The following PLD5 variants were observed in gnomAD, a reference collection of about 807,000 sequenced individuals.
The protein encoded by PLD5 is phospholipase D family member 5.
A neutral mutation model predicts 61.1 loss-of-function variants in PLD5; 36 were observed. The observed-to-expected ratio is 0.59, with a 90% CI of 0.45 to 0.78. The LOEUF (loss-of-function observed/expected upper bound fraction) is 0.78. PLD5 is among the 30% of genes least tolerant of loss of function. The probability of loss-of-function intolerance (pLI) is 0.00; values close to 1 mark genes in which losing one functional copy is unlikely to be tolerated. For missense variants in PLD5, 515 were observed against 644.4 expected, an observed-to-expected ratio of 0.80 and a Z score of 2.17; for synonymous variants, 243 against 242.8, an observed-to-expected ratio of 1.00 and a Z score of -0.01.
chr1:242,391,184 G>A (rs1662909021), intron 1 of PLD5, among the ~76,000 whole-genome samples: 1 of 152,136 alleles, frequency 6.6e-6, no homozygotes, highest in Non-Finnish European at 1.5e-5. Context: ...GAGAGAGCGA[G>A]ACTCCGTCTC....
At chr1:242,434,585 T>C (rs1665893196) in intron 1 of PLD5, among the ~76,000 whole-genome samples, 1 of 152,160 alleles carries the variant, frequency 6.6e-6, no homozygotes, top group Admixed American at 6.5e-5. Flanking sequence ...TTATCTATGG[T>C]CTATTGAGAC....
rs781018144 is a variant in PLD5 at position 242,510,583 on chromosome 1, C to T, written c.189+13505G>A. Among the ~76,000 whole-genome samples, 17 of 152,298 alleles carry T rather than the reference C, an allele frequency of 1.1e-4. No homozygotes were observed. In the South Asian group the frequency reaches 1.2e-3, roughly 11 times the overall value. On this transcript the variant is annotated intron_variant, in intron 1 of 9. Coordinates refer to ENST00000536534, the MANE Select transcript of PLD5 (RefSeq NM_001372062.1). ...CAAATGGGCCCGGTGCGGTGGCTCA[C>T]GCCTGTAATCCCAGCACTTTGGGAG...
At chr1:242,114,882 G>C (rs1236539045) in intron 6 of PLD5, among the ~76,000 whole-genome samples, 1 of 151,348 alleles carries the variant, frequency 6.6e-6, no homozygotes, top group Non-Finnish European at 1.5e-5. Flanking sequence ...AATAATAATA[G>C]AAATAAAGTG....
Position 242,348,124 on chromosome 1 carries a change from T to G in PLD5, c.308A>C (p.Asn103Thr). 1 of 1,612,574 alleles carries G rather than the reference T, an allele frequency of 6.2e-7. No homozygotes were observed. The highest frequency in any genetic ancestry group is 8.5e-7 in the Non-Finnish European group (1 of 1,179,486). Residue 103 changes from asparagine (N) to threonine (T), a missense_variant, in exon 2 of 10, where the codon AAT (asparagine) becomes ACT (threonine). Physicochemically the swap from Asn to Thr is moderately conservative, Grantham distance 65. Coordinates refer to ENST00000536534, the MANE Select transcript of PLD5 (RefSeq NM_001372062.1). ...GEDEDGLSEKNCQNKCRIALV... is the reference protein window; with the variant it reads ...GEDEDGLSEKTCQNKCRIALV... ...CTCTTACCGACATTTATTTTGGCAA[T>G]TTTTTTCTGAGAGTCCATCCTCATC...
intron 5 of PLD5, among the ~76,000 whole-genome samples, chr1:242,182,791 C>G (rs905264815): frequency 2.0e-5 from 3 of 152,080 alleles, no homozygotes; most frequent in African/African-American, 7.2e-5. Context: ...TGCAGTGAGG[C>G]AAGATCGCGC....
intron 3 of PLD5, among the ~76,000 whole-genome samples, chr1:242,285,771 G>A (rs1196071147): frequency 6.6e-6 from 1 of 151,816 alleles, no homozygotes; most frequent in Non-Finnish European, 1.5e-5. Flanking sequence ...AGTAACTATA[G>A]AAGTAAACTA....
chr1:242,191,653 T>C lies in PLD5; in HGVS notation c.735+28335A>G, dbSNP rs147506578. 2.3e-3 allele frequency among the ~76,000 whole-genome samples: 345 copies of C among 151,476 alleles called. 1 individual carries two copies. Among genetic ancestry groups the C allele is most frequent in the African/African-American group, 8.0e-3 (329 of 41,276 alleles). ...GCAGAAAAAGGAACAAACCCAGATATGAGTAGAAGGAAAAGAAGTGAGAAA... is the reference window on the plus strand; with the variant it reads ...GCAGAAAAAGGAACAAACCCAGATACGAGTAGAAGGAAAAGAAGTGAGAAA... On this transcript the variant is annotated intron_variant, in intron 5 of 9. Transcript: ENST00000536534.
At chr1:242,424,434 T>C (rs1374511576) in intron 1 of PLD5, among the ~76,000 whole-genome samples, 1 of 152,146 alleles carries the variant, frequency 6.6e-6, no homozygotes, top group African/African-American at 2.4e-5. Flanking sequence ...AATTTCAAAA[T>C]ACGCCCAGAT....
chr1:242,433,326 C>A (rs370460529), intron 1 of PLD5, among the ~76,000 whole-genome samples: 3 of 152,196 alleles, frequency 2.0e-5, no homozygotes, highest in Non-Finnish European at 2.9e-5. Flanking sequence ...CTCTGTCTCA[C>A]CCTTGAAAGA....
intron 1 of PLD5, among the ~76,000 whole-genome samples, chr1:242,398,154 G>C (rs1663710836): frequency 1.3e-5 from 2 of 152,314 alleles, no homozygotes; most frequent in East Asian, 3.9e-4. Context: ...AGGTCAGAAA[G>C]ATCAGCTGAG....
chr1:242,175,767 C>G (rs570019665), intron 5 of PLD5, among the ~76,000 whole-genome samples: 1 of 152,280 alleles, frequency 6.6e-6, no homozygotes, highest in East Asian at 1.9e-4. Context: ...GATACAAAAT[C>G]AATGTGCAAA....
intron 1 of PLD5, among the ~76,000 whole-genome samples, chr1:242,474,257 G>C (rs920360205): frequency 1.3e-5 from 2 of 152,018 alleles, no homozygotes; most frequent in African/African-American, 4.8e-5. Flanking sequence ...CCATCCTACC[G>C]GGATTCCCAC....
chr1:242,199,400 G>T (rs147212178), intron 5 of PLD5, among the ~76,000 whole-genome samples: 10 of 151,626 alleles, frequency 6.6e-5, no homozygotes, highest in African/African-American at 2.2e-4. Context: ...GATTACAGGC[G>T]CCCGCCACCA....
chr1:242,212,678 C>T (rs1669907285), intron 5 of PLD5, among the ~76,000 whole-genome samples: 1 of 152,254 alleles, frequency 6.6e-6, no homozygotes. Context: ...TAAGCAGGTG[C>T]AAAGTGGCTG....
intron 4 of PLD5, among the ~76,000 whole-genome samples, chr1:242,245,897 T>A (rs1419756115): frequency 6.6e-6 from 1 of 152,154 alleles, no homozygotes; most frequent in Non-Finnish European, 1.5e-5. Context: ...ACAGCCCCCC[T>A]TCTTCCTTCC....
At chr1:242,166,377 A>T (rs1666302765) in intron 5 of PLD5, among the ~76,000 whole-genome samples, 1 of 152,180 alleles carries the variant, frequency 6.6e-6, no homozygotes, top group Non-Finnish European at 1.5e-5. Flanking sequence ...CCTGTTTAGG[A>T]CAGGGTGGCT....
intron 4 of PLD5, among the ~76,000 whole-genome samples, chr1:242,247,713 C>T (rs973689549): frequency 3.3e-5 from 5 of 152,208 alleles, no homozygotes; most frequent in African/African-American, 1.2e-4. Flanking sequence ...CTCCGTTCAG[C>T]AGGCTGGGGG....
the PLD5 span, among the ~76,000 whole-genome samples, chr1:242,529,833 TCTCC>T: frequency 1.7e-4 from 25 of 146,268 alleles, 1 homozygote; most frequent in African/African-American, 6.2e-4. Context: ...CTTCTTCTTC[TCTCC>T]CTCCCTCCTT....
intron 5 of PLD5, among the ~76,000 whole-genome samples, chr1:242,165,442 G>A (rs1666232982): frequency 1.5e-5 from 2 of 135,636 alleles, no homozygotes; most frequent in East Asian, 4.1e-4. Context: ...GTTGTGTGTG[G>A]CTTTAAAGGG....
Sources: allele counts gnomAD v4.1 joint callset (sites outside exome capture counted in the v4.1 genomes callset), GRCh38; gene constraint gnomAD v4.1.1; transcripts MANE v1.5; gene names NCBI Gene and HGNC (gene_info 2026-07-23, HGNC 2026-07-21).